Variants in ZNF469 observed in about 807,000 individuals in gnomAD.
ZNF469 encodes the protein zinc finger protein 469.
In ZNF469, 1 loss-of-function variant was observed where a neutral mutation model predicts 1.0. The observed-to-expected ratio is 1.00, with a 90% CI of 0.35 to 4.73. The LOEUF (loss-of-function observed/expected upper bound fraction) is 4.73. ZNF469 is among the 30% of genes most tolerant of loss of function. The pLI is 0.16. For synonymous variants in ZNF469, 2,703 were observed against 2,363.4 expected (o/e 1.14, Z -4.17); for missense variants, 6,100 against 5,356.3 (o/e 1.14, Z -4.33).
chr16:88,197,002 A>G, the ZNF469 span, among the ~76,000 whole-genome samples: 2 of 152,210 alleles, frequency 1.3e-5, no homozygotes, highest in Non-Finnish European at 2.9e-5. Flanking sequence ...TGGGCTCCCC[A>G]GAGCATGACT....
chr16:88,378,448 G>A (rs941522013), upstream of ZNF469, among the ~76,000 whole-genome samples: 30 of 152,184 alleles, frequency 2.0e-4, no homozygotes, highest in African/African-American at 6.5e-4. Flanking sequence ...TGCACGCATC[G>A]TAACGGGGAG....
the ZNF469 span, among the ~76,000 whole-genome samples, chr16:88,193,168 GTGGGGA>G: frequency 0.24 from 3,564 of 14,736 alleles, 854 homozygotes; most frequent in Non-Finnish European, 0.3. Flanking sequence ...GGTGATGGTG[GTGGGGA>G]TGGTGGTGAT....
At chr16:88,288,486 A>C in the ZNF469 span, among the ~76,000 whole-genome samples, 3 of 152,150 alleles carry the variant, frequency 2.0e-5, no homozygotes, top group African/African-American at 7.2e-5. Context: ...TCAAGGCTAC[A>C]CTCTATGATA....
the ZNF469 span, among the ~76,000 whole-genome samples, chr16:88,304,058 T>G: frequency 4.6e-5 from 7 of 152,312 alleles, no homozygotes; most frequent in South Asian, 1.2e-3. Flanking sequence ...TGGGCTGTTA[T>G]GCAGACCAGA....
At chr16:88,202,704 G>T in the ZNF469 span, among the ~76,000 whole-genome samples, 1 of 152,172 alleles carries the variant, frequency 6.6e-6, no homozygotes, top group Non-Finnish European at 1.5e-5. Context: ...ATGGTGGTGG[G>T]GGCGCCTCAC....
chr16:88,402,605 C>A (rs927042226), intron 1 of ZNF469, among the ~76,000 whole-genome samples: 1 of 152,160 alleles, frequency 6.6e-6, no homozygotes, highest in African/African-American at 2.4e-5. Flanking sequence ...CAGCTCAGAC[C>A]CCTTTGCAGT....
chr16:88,306,753 G>A, the ZNF469 span, among the ~76,000 whole-genome samples: 2 of 152,208 alleles, frequency 1.3e-5, no homozygotes, highest in African/African-American at 4.8e-5. Flanking sequence ...TGATGGACAG[G>A]CTCTGGCTTT....
the ZNF469 span, among the ~76,000 whole-genome samples, chr16:88,283,014 C>A: frequency 6.6e-6 from 1 of 152,120 alleles, no homozygotes; most frequent in Non-Finnish European, 1.5e-5. Context: ...CGGAGTTTGG[C>A]CAATGCATTA....
At chr16:88,347,310 A>G in the ZNF469 span, among the ~76,000 whole-genome samples, 3 of 152,028 alleles carry the variant, frequency 2.0e-5, no homozygotes, top group African/African-American at 7.3e-5. Context: ...CCTTCTTTGG[A>G]AATAGGGGCT....
chr16:88,336,401 C>G, the ZNF469 span, among the ~76,000 whole-genome samples: 375 of 151,638 alleles, frequency 2.5e-3, 1 homozygote, highest in African/African-American at 8.7e-3. Flanking sequence ...CATGTTCATC[C>G]TTCACGTGAG....
intron 1 of ZNF469, among the ~76,000 whole-genome samples, chr16:88,401,268 C>A (rs1046969094): frequency 2.6e-5 from 4 of 152,246 alleles, no homozygotes; most frequent in African/African-American, 9.6e-5. Context: ...GCTGTCCAGC[C>A]TAACAATGTC....
rs532620482 is a variant in ZNF469 at position 88,427,927 on chromosome 16, C to A, written c.457C>A (p.Pro153Thr). 293 of 1,549,870 alleles carry A rather than the reference C, an allele frequency of 1.9e-4. No individual in the cohort carries two copies. Among genetic ancestry groups the A allele is most frequent in the South Asian group, 3.3e-4 (28 of 84,066 alleles). Reference sequence around the variant, plus strand: ...TGCCCAGCTCCCTGAGGTGGACACCCCCCAGGGCCCTGGGACTGGAGCTCC... The same window carrying A: ...TGCCCAGCTCCCTGAGGTGGACACCACCCAGGGCCCTGGGACTGGAGCTCC... ...EAAQLPEVDT[P>T]QGPGTGAPLR... Residue 153 changes from proline (P) to threonine (T), a missense_variant, in exon 3 of 3, where the codon CCC (proline) becomes ACC (threonine). Coordinates refer to ENST00000565624, the MANE Select transcript of ZNF469 (RefSeq NM_001367624.2).
the ZNF469 span, among the ~76,000 whole-genome samples, chr16:88,331,610 A>G: frequency 6.6e-6 from 1 of 151,498 alleles, no homozygotes; most frequent in Non-Finnish European, 1.5e-5. Context: ...CATCACCACC[A>G]TCATCATCAT....
At chr16:88,356,821 C>A in the ZNF469 span, among the ~76,000 whole-genome samples, 2 of 152,230 alleles carry the variant, frequency 1.3e-5, no homozygotes, top group Non-Finnish European at 2.9e-5. Context: ...GGGGCAGGAG[C>A]CGCATCAGTT....
the ZNF469 span, among the ~76,000 whole-genome samples, chr16:88,365,272 G>C: frequency 6.6e-6 from 1 of 152,212 alleles, no homozygotes; most frequent in Non-Finnish European, 1.5e-5. Context: ...AGCCTTTTCT[G>C]GTTTATGTTG....
chr16:88,241,249 C>A, the ZNF469 span, among the ~76,000 whole-genome samples: 2 of 151,732 alleles, frequency 1.3e-5, no homozygotes, highest in Non-Finnish European at 2.9e-5. The surrounding 1 kb of genome is among the most constrained non-coding windows in gnomAD (Gnocchi z 4.8). Flanking sequence ...ATCCCAGCTA[C>A]TTAGGAGGTT....
At chr16:88,419,431 G>A (rs1022607459) in intron 1 of ZNF469, among the ~76,000 whole-genome samples, 16 of 152,182 alleles carry the variant, frequency 1.1e-4, no homozygotes, top group African/African-American at 3.6e-4. Context: ...CTTGCCATGT[G>A]ACCTTGGGCA....
chr16:88,376,980 G>A, the ZNF469 span, among the ~76,000 whole-genome samples: 21 of 152,368 alleles, frequency 1.4e-4, no homozygotes, highest in Middle Eastern at 3.4e-3. Flanking sequence ...CGCTCATGCC[G>A]CCGGGAGGGC....
the ZNF469 span, among the ~76,000 whole-genome samples, chr16:88,219,948 T>C: frequency 1.3e-5 from 2 of 152,146 alleles, no homozygotes; most frequent in Non-Finnish European, 2.9e-5. Context: ...ACCTGAGACA[T>C]TGCTCCCCTT....
Sources: gnomAD v4.1 joint callset for allele counts (sites outside exome capture counted in the v4.1 genomes callset) on GRCh38, gnomAD v4.1.1 for gene constraint, Gnocchi (gnomAD v3.1) non-coding constraint, MANE v1.5 for transcripts, NCBI Gene and HGNC (gene_info 2026-07-23, HGNC 2026-07-21) for gene names.